The following SYNPR variants were observed in gnomAD, a reference collection of about 807,000 sequenced individuals.
The protein encoded by SYNPR is synaptoporin.
In SYNPR, 23 loss-of-function variants were observed where a neutral mutation model predicts 32.9. The ratio of observed to expected loss-of-function variants is 0.70; its 90% CI spans 0.50 to 0.99. SYNPR has a LOEUF of 0.99. Among genes scored for constraint, SYNPR ranks in the 50% least tolerant of loss-of-function variants. The pLI is 0.00. For synonymous variants in SYNPR, 146 were observed against 135.9 expected, an observed-to-expected ratio of 1.07 and a Z score of -0.52; for missense variants, 318 against 349.3, an observed-to-expected ratio of 0.91 and a Z score of 0.71.
intron 2 of SYNPR, among the ~76,000 whole-genome samples, chr3:63,319,051 G>A (rs2087078378): frequency 6.6e-6 from 1 of 152,060 alleles, no homozygotes; most frequent in African/African-American, 2.4e-5. Context: ...CACCCAGCGA[G>A]TCTACCTGGC....
intron 4 of SYNPR, among the ~76,000 whole-genome samples, chr3:63,566,351 T>C (rs189100976): frequency 9.8e-5 from 15 of 152,308 alleles, no homozygotes; most frequent in Admixed American, 7.8e-4. Context: ...TTTTTCCTTG[T>C]GTGCCCTCAG....
intron 2 of SYNPR, among the ~76,000 whole-genome samples, chr3:63,413,100 A>G (rs1207559333): frequency 6.6e-6 from 1 of 152,182 alleles, no homozygotes; most frequent in Non-Finnish European, 1.5e-5. Flanking sequence ...TATTCTTTTT[A>G]TGGTTAAATT....
chr3:63,374,055 CTACCT>C (rs1326952599), intron 2 of SYNPR, among the ~76,000 whole-genome samples: 2 of 152,174 alleles, frequency 1.3e-5, no homozygotes, highest in Non-Finnish European at 2.9e-5. Context: ...ACCACTGGAC[CTACCT>C]TACAAGTTTC....
chr3:63,380,636 T>G (rs191063352), intron 2 of SYNPR, among the ~76,000 whole-genome samples: 18 of 151,998 alleles, frequency 1.2e-4, no homozygotes, highest in Admixed American at 1.2e-3. Flanking sequence ...TGATGAACAC[T>G]GATGCAAAAA....
chr3:63,262,667 G>A (rs1165445480), intron 2 of SYNPR, among the ~76,000 whole-genome samples: 1 of 152,124 alleles, frequency 6.6e-6, no homozygotes, highest in Non-Finnish European at 1.5e-5. Context: ...CCAAAGCCCA[G>A]CCCTAGTCCC....
At chr3:63,361,717 G>A (rs900960939) in intron 2 of SYNPR, among the ~76,000 whole-genome samples, 7 of 152,050 alleles carry the variant, frequency 4.6e-5, no homozygotes, top group East Asian at 3.9e-4. Flanking sequence ...ACATACAGAT[G>A]ATAGCTGTGA....
chr3:63,261,554 T>G lies in SYNPR; in HGVS notation n.155-5763T>G, dbSNP rs1264185334. 7.4e-5 allele frequency among the ~76,000 whole-genome samples: 6 copies of G among 81,480 alleles called. No individual in the cohort carries two copies. The East Asian group carries it at 1.4e-3, about 18-fold the overall frequency. 53.5% of individuals were successfully genotyped at this position (81,480 alleles called of 152,430 possible). A position where few individuals can be genotyped will look rare whatever the true frequency, so the allele number is the denominator to read the frequency against. ...ACACAGGAAGGGGAACATCACACTC[T>G]GGGGACTGTCATGGGGTGGGGGGAG... On this transcript the variant is annotated intron_variant and non_coding_transcript_variant, in intron 2 of 4. Transcript: ENST00000478456.
intron 3 of SYNPR, among the ~76,000 whole-genome samples, chr3:63,524,421 G>A (rs1026468537): frequency 3.3e-5 from 5 of 152,114 alleles, no homozygotes; most frequent in East Asian, 3.9e-4. Flanking sequence ...GGATGGCTAC[G>A]AAGGAGAAAG....
At chr3:63,372,783 C>A (rs1481666463) in intron 2 of SYNPR, among the ~76,000 whole-genome samples, 1 of 152,092 alleles carries the variant, frequency 6.6e-6, no homozygotes, top group African/African-American at 2.4e-5. Context: ...AAAGTGCAGC[C>A]CAGAAGAGTC....
intron 5 of SYNPR, among the ~76,000 whole-genome samples, chr3:63,612,652 CTG>C (rs1309654416): frequency 5.9e-5 from 9 of 152,200 alleles, no homozygotes; most frequent in Non-Finnish European, 4.4e-5. Context: ...GCCAAGAGAT[CTG>C]TGATGCTAGA....
At position 63,383,309 on chromosome 3, in the gene SYNPR, C is replaced by T. The variant is rs188998597; in HGVS notation, c.85-97523C>T. On this transcript the variant is annotated intron_variant, in intron 2 of 5. Coordinates refer to ENST00000478300, the MANE Select transcript of SYNPR (RefSeq NM_001130003.2). Reference sequence around the variant, plus strand: ...TTGGAAAAGAGCATAAAATAAGATGCAATACCTCCCAAGAGAAAAGAATAG... The same window carrying T: ...TTGGAAAAGAGCATAAAATAAGATGTAATACCTCCCAAGAGAAAAGAATAG... Among the ~76,000 whole-genome samples the T allele has an allele frequency of 1.8e-4, 28 of 152,290 alleles. No homozygotes were observed. The East Asian group carries it at 5.0e-3, about 27-fold the overall frequency.
intron 3 of SYNPR, among the ~76,000 whole-genome samples, chr3:63,489,344 G>T (rs997416922): frequency 8.5e-5 from 13 of 152,128 alleles, no homozygotes; most frequent in African/African-American, 3.1e-4. Flanking sequence ...CCCTGGGACT[G>T]CATGCAGACC....
intron 2 of SYNPR, among the ~76,000 whole-genome samples, chr3:63,344,644 C>T (rs1488491728): frequency 3.5e-5 from 5 of 143,970 alleles, no homozygotes; most frequent in Non-Finnish European, 6.0e-5. Context: ...ATTTGTGTAA[C>T]TGCCTGGTGG....
At chr3:63,379,961 GT>G (rs1173470053) in intron 2 of SYNPR, among the ~76,000 whole-genome samples, 1 of 152,084 alleles carries the variant, frequency 6.6e-6, no homozygotes, top group Non-Finnish European at 1.5e-5. Flanking sequence ...CCTTGCGATA[GT>G]TTGCTGAGAA....
chr3:63,594,315 G>T (rs1168645800), intron 4 of SYNPR, among the ~76,000 whole-genome samples: 1 of 152,074 alleles, frequency 6.6e-6, no homozygotes, highest in East Asian at 1.9e-4. Context: ...TAATCTTTCT[G>T]AATTTTGACT....
intron 2 of SYNPR, among the ~76,000 whole-genome samples, chr3:63,394,196 T>G (rs371558112): frequency 6.6e-6 from 1 of 152,322 alleles, no homozygotes; most frequent in South Asian, 2.1e-4. Context: ...ATCTTAGCTC[T>G]TATCCTTTCT....
intron 2 of SYNPR, among the ~76,000 whole-genome samples, chr3:63,464,936 A>G (rs1389814907): frequency 1.3e-5 from 2 of 152,210 alleles, no homozygotes; most frequent in Non-Finnish European, 1.5e-5. Context: ...CCATCCCTGC[A>G]GTCTCTTCTG....
chr3:63,284,461 T>G (rs1336536556), intron 2 of SYNPR, among the ~76,000 whole-genome samples: 1 of 152,186 alleles, frequency 6.6e-6, no homozygotes, highest in Admixed American at 6.5e-5. Context: ...TTTTTGACAT[T>G]CATCCCTAAT....
intron 2 of SYNPR, among the ~76,000 whole-genome samples, chr3:63,321,925 G>A (rs1470575440): frequency 6.6e-6 from 1 of 152,068 alleles, no homozygotes; most frequent in African/African-American, 2.4e-5. Flanking sequence ...CAGTCTTGCT[G>A]GCAGGAAATT....
Sources: gnomAD v4.1 joint callset for allele counts (sites outside exome capture counted in the v4.1 genomes callset) on GRCh38, gnomAD v4.1.1 for gene constraint, MANE v1.5 for transcripts, NCBI Gene and HGNC (gene_info 2026-07-23, HGNC 2026-07-21) for gene names.